RBFOX1: variants seen among roughly 807,000 people sequenced by gnomAD.
RBFOX1 encodes the protein RNA binding protein fox-1 homolog 1.
Under a neutral mutation model 57.7 loss-of-function variants are expected in RBFOX1, and 8 were observed. The ratio of observed to expected loss-of-function variants is 0.14; its 90% CI spans 0.08 to 0.25. RBFOX1 has a LOEUF of 0.25. Among genes scored for constraint, RBFOX1 ranks in the 10% least tolerant of loss-of-function variants. The pLI is 1.00. For missense variants in RBFOX1, 611 were observed against 548.5 expected (o/e 1.11, Z -1.14); for synonymous variants, 326 against 222.4 (o/e 1.47, Z -4.15).
chr16:6,343,837 A>T (rs893397349), intron 2 of RBFOX1, among the ~76,000 whole-genome samples: 2 of 152,186 alleles, frequency 1.3e-5, no homozygotes, highest in African/African-American at 4.8e-5. Flanking sequence ...ATTAAGGATT[A>T]CTATGAACCT....
intron 10 of RBFOX1, among the ~76,000 whole-genome samples, chr16:7,608,663 C>A (rs1342583919): frequency 6.6e-6 from 1 of 152,186 alleles, no homozygotes; most frequent in African/African-American, 2.4e-5. Flanking sequence ...AGCAGTGTGA[C>A]TCTGGGCAAG....
intron 3 of RBFOX1, among the ~76,000 whole-genome samples, chr16:7,002,514 C>G (rs374018866): frequency 1.3e-5 from 2 of 152,116 alleles, no homozygotes; most frequent in East Asian, 1.9e-4. Flanking sequence ...GAGTTGGAGA[C>G]CAGCCTGGCC....
chr16:7,259,092 A>G (rs979186933), intron 4 of RBFOX1, among the ~76,000 whole-genome samples: 1 of 152,174 alleles, frequency 6.6e-6, no homozygotes, highest in Non-Finnish European at 1.5e-5. Context: ...TGAAAAGTCC[A>G]TGAGAAGCAA....
At chr16:7,514,544 G>A (rs1473002999) in intron 4 of RBFOX1, among the ~76,000 whole-genome samples, 1 of 152,140 alleles carries the variant, frequency 6.6e-6, no homozygotes, top group Non-Finnish European at 1.5e-5. Flanking sequence ...GCCACCAGCT[G>A]CAGTGGAGCA....
chr16:6,754,428 G>T (rs368020309), intron 3 of RBFOX1, among the ~76,000 whole-genome samples: 1 of 152,250 alleles, frequency 6.6e-6, no homozygotes, highest in South Asian at 2.1e-4. Flanking sequence ...ACCTACGGTC[G>T]AAGATTCAGT....
chr16:5,386,635 A>T (rs543807797), intron 1 of RBFOX1, among the ~76,000 whole-genome samples: 1 of 152,086 alleles, frequency 6.6e-6, no homozygotes, highest in East Asian at 1.9e-4. Context: ...ACTGCCTGGA[A>T]TGAATGCTCT....
At chr16:7,522,072 G>A (rs1234336899) in intron 5 of RBFOX1, among the ~76,000 whole-genome samples, 1 of 152,208 alleles carries the variant, frequency 6.6e-6, no homozygotes, top group African/African-American at 2.4e-5. Flanking sequence ...GGCTGGTACT[G>A]AGTGTCCCAG....
chr16:6,456,434 G>C (rs28456252), intron 2 of RBFOX1, among the ~76,000 whole-genome samples: 1 of 152,138 alleles, frequency 6.6e-6, no homozygotes, highest in East Asian at 1.9e-4. Flanking sequence ...TCAGCCTCTA[G>C]AGTGGCTGCG....
At chr16:6,619,209 C>G (rs923501878) in intron 2 of RBFOX1, among the ~76,000 whole-genome samples, 3 of 152,108 alleles carry the variant, frequency 2.0e-5, no homozygotes, top group African/African-American at 4.8e-5. Context: ...GCCTCTGTCC[C>G]CCCCTTAAAC....
chr16:5,434,317 CTTTTTTTTTTTT>C lies in RBFOX1; in HGVS notation c.220-32888_220-32877del, dbSNP rs5815245. ...AGAGGGAGCCATCTCTGCTGAAGTC[CTTTTTTTTTTTT>C]TTTTTTTTTTGAGGCAGGGTCTTAC... On this transcript the variant is annotated intron_variant, in intron 1 of 2. Coordinates refer to the RBFOX1 transcript ENST00000585867. 3.3e-4 allele frequency among the ~76,000 whole-genome samples: 26 copies of C among 79,734 alleles called. 1 individual carries two copies. The highest frequency in any genetic ancestry group is 9.3e-4 in the Admixed American group (5 of 5,368). The allele number at this position is 79,734 out of a possible 152,430, so 52.3% of individuals were successfully genotyped here. A position where few individuals can be genotyped will look rare whatever the true frequency, so the allele number is the denominator to read the frequency against.
At chr16:6,208,668 A>C (rs1270843513) in intron 1 of RBFOX1, among the ~76,000 whole-genome samples, 1 of 152,264 alleles carries the variant, frequency 6.6e-6, no homozygotes, top group Non-Finnish European at 1.5e-5. Context: ...TCTGCAATTT[A>C]GAAATTCAAA....
At chr16:7,379,556 A>C (rs2097750992) in intron 4 of RBFOX1, among the ~76,000 whole-genome samples, 1 of 152,238 alleles carries the variant, frequency 6.6e-6, no homozygotes, top group South Asian at 2.1e-4. Context: ...CCAGAAATGC[A>C]TACATATGTG....
At position 6,788,397 on chromosome 16, in the gene RBFOX1, C is replaced by A. The variant is rs9923210; in HGVS notation, c.-16+133747C>A. Among the ~76,000 whole-genome samples, 5 of 151,784 alleles carry A rather than the reference C, an allele frequency of 3.3e-5. No homozygotes were observed. The East Asian group carries it at 9.7e-4, about 29-fold the overall frequency. On this transcript the variant is annotated intron_variant, in intron 3 of 15. Transcript: ENST00000550418. The stretch of plus-strand genomic sequence containing the variant: ...TAACTAGTTTCATAATAATTATTAT[C>A]GTCTCTCTGAAAATAGTCAGCCTGC...
At chr16:7,475,217 A>G (rs114035629) in intron 4 of RBFOX1, among the ~76,000 whole-genome samples, 6 of 152,060 alleles carry the variant, frequency 3.9e-5, no homozygotes, top group African/African-American at 1.5e-4. Context: ...TTATTGAAGA[A>G]CAAAAGGGAG....
chr16:6,655,373 C>CAAAAAAAAAAAAAAAAAAAAAAAAAAA lies in RBFOX1; in HGVS notation c.-16+727_-16+753dup, dbSNP rs71406388. ...TGAGTGACAAAATAAGCCTCCGTTT[C>CAAAAAAAAAAAAAAAAAAAAAAAAAAA]AAAAAAAAAAAAAAAAAAAAAAAAA... On this transcript the variant is annotated intron_variant, in intron 3 of 15. Coordinates refer to ENST00000550418, the MANE Select transcript of RBFOX1 (RefSeq NM_018723.4). 1.8e-4 allele frequency among the ~76,000 whole-genome samples: 6 copies of CAAAAAAAAAAAAAAAAAAAAAAAAAAA among 33,686 alleles called. 3 individuals carry two copies. Among genetic ancestry groups the CAAAAAAAAAAAAAAAAAAAAAAAAAAA allele is most frequent in the African/African-American group, 2.5e-4 (2 of 7,964 alleles). 22.1% of individuals were successfully genotyped at this position (33,686 alleles called of 152,430 possible).
At position 7,283,316 on chromosome 16, in the gene RBFOX1, C is replaced by G. The variant is rs565320047; in HGVS notation, c.27+231218C>G. On this transcript the variant is annotated intron_variant, in intron 4 of 15. Transcript: ENST00000550418. Reference sequence around the variant, plus strand: ...TCCTCCCTGGTCCCCCAATCTGCCTCTGCAGTCTCTATACTCCAATCCAGC... The same window carrying G: ...TCCTCCCTGGTCCCCCAATCTGCCTGTGCAGTCTCTATACTCCAATCCAGC... 2.0e-5 allele frequency among the ~76,000 whole-genome samples: 3 copies of G among 152,016 alleles called. No individual in the cohort carries two copies. In the South Asian group the frequency reaches 6.2e-4, roughly 32 times the overall value.
At chr16:5,561,321 A>T (rs2045882461) in intron 2 of RBFOX1, among the ~76,000 whole-genome samples, 1 of 152,214 alleles carries the variant, frequency 6.6e-6, no homozygotes, top group Admixed American at 6.5e-5. Flanking sequence ...TATTTCAGAT[A>T]CTTATAATTA....
intron 3 of RBFOX1, among the ~76,000 whole-genome samples, chr16:5,800,664 G>A (rs1347587001): frequency 6.6e-6 from 1 of 152,142 alleles, no homozygotes; most frequent in Non-Finnish European, 1.5e-5. Context: ...GGTGACACTG[G>A]GGATAAATTG....
chr16:6,543,261 C>A (rs1189409491), intron 2 of RBFOX1, among the ~76,000 whole-genome samples: 2 of 152,116 alleles, frequency 1.3e-5, no homozygotes, highest in African/African-American at 4.8e-5. Flanking sequence ...CCACCGTTAG[C>A]TGTGAGCTCA....
Sources: gnomAD v4.1 joint callset for allele counts (sites outside exome capture counted in the v4.1 genomes callset) on GRCh38, gnomAD v4.1.1 for gene constraint, MANE v1.5 for transcripts, NCBI Gene and HGNC (gene_info 2026-07-23, HGNC 2026-07-21) for gene names.